The following GARIN2 variants were observed in gnomAD, a reference collection of about 807,000 sequenced individuals.
GARIN2 encodes Golgi-associated RAB2 interactor protein 2.
chr14:67,225,044 C>T, the GARIN2 span: 1 of 1,390,548 alleles, frequency 7.2e-7, no homozygotes, highest in Non-Finnish European at 9.6e-7. Context: ...CTGCTTTTGG[C>T]TTTTTTTCTT....
the GARIN2 span, among the ~76,000 whole-genome samples, chr14:67,192,086 G>A: frequency 1.3e-5 from 2 of 152,214 alleles, no homozygotes; most frequent in African/African-American, 4.8e-5. Flanking sequence ...TCCATTCTTT[G>A]TGCCACCCTC....
the GARIN2 span, among the ~76,000 whole-genome samples, chr14:67,192,859 G>GAT: frequency 7.0e-6 from 1 of 142,216 alleles, no homozygotes; most frequent in Non-Finnish European, 1.5e-5. Flanking sequence ...TAGATATACA[G>GAT]ATATATATAG....
the GARIN2 span, among the ~76,000 whole-genome samples, chr14:67,214,841 T>C: frequency 6.6e-6 from 1 of 152,146 alleles, no homozygotes; most frequent in South Asian, 2.1e-4. Context: ...TTTGATTTCA[T>C]TGAGCAGTGG....
the GARIN2 span, chr14:67,225,235 T>G: frequency 6.6e-7 from 1 of 1,523,508 alleles, no homozygotes; most frequent in Non-Finnish European, 8.8e-7. Context: ...AAAGACAAAG[T>G]TGATGGAAAA....
At chr14:67,200,056 C>T in the GARIN2 span, 1 of 932,728 alleles carries the variant, frequency 1.1e-6, no homozygotes, top group Non-Finnish European at 1.6e-6. Context: ...TGGGGGACAG[C>T]CACCACCCCA....
the GARIN2 span, among the ~76,000 whole-genome samples, chr14:67,216,359 C>T: frequency 2.6e-5 from 4 of 151,756 alleles, no homozygotes; most frequent in Admixed American, 6.6e-5. Context: ...GAGTTAATCA[C>T]GTTTTGTTAA....
At chr14:67,211,660 C>G in the GARIN2 span, among the ~76,000 whole-genome samples, 1 of 152,114 alleles carries the variant, frequency 6.6e-6, no homozygotes, top group Non-Finnish European at 1.5e-5. Context: ...GGCAAAGTGG[C>G]TCACACGCCT....
At chr14:67,199,552 G>A in the GARIN2 span, 1 of 1,605,006 alleles carries the variant, frequency 6.2e-7, no homozygotes, top group Admixed American at 1.7e-5. Context: ...CCATGAATGG[G>A]CAGTACCTCT....
At chr14:67,207,727 G>C in the GARIN2 span, among the ~76,000 whole-genome samples, 9 of 152,116 alleles carry the variant, frequency 5.9e-5, no homozygotes, top group Non-Finnish European at 1.2e-4. Flanking sequence ...AAATTAGGAG[G>C]AGGGGGGGAT....
chr14:67,215,402 T>A, the GARIN2 span, among the ~76,000 whole-genome samples: 2 of 138,830 alleles, frequency 1.4e-5, no homozygotes. Context: ...AACACTGATC[T>A]ATTGTTTTTT....
At chr14:67,205,153 ACTT>A in the GARIN2 span, 3 of 1,433,286 alleles carry the variant, frequency 2.1e-6, no homozygotes, top group Non-Finnish European at 1.9e-6. Context: ...CCGAGATCAC[ACTT>A]CTTGGTTAGC....
At chr14:67,194,860 G>T in the GARIN2 span, among the ~76,000 whole-genome samples, 1 of 152,170 alleles carries the variant, frequency 6.6e-6, no homozygotes, top group African/African-American at 2.4e-5. Context: ...GTTTCACAAC[G>T]TTGGCCAGGC....
At chr14:67,211,307 G>A in the GARIN2 span, among the ~76,000 whole-genome samples, 1 of 151,836 alleles carries the variant, frequency 6.6e-6, no homozygotes, top group Admixed American at 6.6e-5. Flanking sequence ...CAAGCAAACT[G>A]AACAAAAAAA....
the GARIN2 span, chr14:67,201,712 A>G: frequency 2.9e-6 from 1 of 349,808 alleles, no homozygotes; most frequent in South Asian, 2.2e-5. Flanking sequence ...CAAAACCAGG[A>G]TTCTGTTAAT....
the GARIN2 span, among the ~76,000 whole-genome samples, chr14:67,192,282 T>C: frequency 6.6e-6 from 1 of 152,206 alleles, no homozygotes; most frequent in African/African-American, 2.4e-5. Context: ...TCCATGTGTC[T>C]GTGCCATGGA....
At chr14:67,221,692 G>T in the GARIN2 span, 1 of 1,560,138 alleles carries the variant, frequency 6.4e-7, no homozygotes, top group South Asian at 1.2e-5. Context: ...TTTAAAGAAT[G>T]ACCGGTTATT....
At chr14:67,199,963 C>A in the GARIN2 span, 2 of 1,253,332 alleles carry the variant, frequency 1.6e-6, no homozygotes, top group Non-Finnish European at 1.1e-6. Context: ...AGGAGGAGTG[C>A]CCCATCCAGG....
the GARIN2 span, chr14:67,198,379 AAACTG>A: frequency 6.7e-7 from 1 of 1,482,730 alleles, no homozygotes; most frequent in Non-Finnish European, 9.3e-7. Context: ...TTCTCAAAGA[AAACTG>A]AAAAGGATGG....
chr14:67,221,917 T>G, the GARIN2 span: 1 of 1,345,020 alleles, frequency 7.4e-7, no homozygotes, highest in Non-Finnish European at 1.0e-6. Flanking sequence ...CAGCTAGACT[T>G]TTTGATGCAT....
Sources: gnomAD v4.1 joint callset for allele counts (sites outside exome capture counted in the v4.1 genomes callset) on GRCh38, gnomAD v4.1.1 for gene constraint, MANE v1.5 for transcripts, NCBI Gene and HGNC (gene_info 2026-07-23, HGNC 2026-07-21) for gene names.